The following RHOBTB3 variants were observed in gnomAD, a reference collection of about 807,000 sequenced individuals.
RHOBTB3 encodes the protein Rho related BTB domain containing 3, also known as rho-related BTB domain-containing protein 3.
In RHOBTB3, 47 loss-of-function variants were observed where a neutral mutation model predicts 67.2. The ratio of observed to expected loss-of-function variants is 0.70; its 90% CI spans 0.55 to 0.89. The LOEUF is 0.89. Ranked by LOEUF, RHOBTB3 falls within the 40% of genes least tolerant of loss-of-function variation. The pLI is 0.00. For missense variants in RHOBTB3, 631 were observed against 750.0 expected, an observed-to-expected ratio of 0.84 and a Z score of 1.85; for synonymous variants, 273 against 274.2, an observed-to-expected ratio of 1.00 and a Z score of 0.04.
upstream of RHOBTB3, among the ~76,000 whole-genome samples, chr5:95,726,838 C>T (rs1408615166): frequency 6.6e-6 from 1 of 152,160 alleles, no homozygotes; most frequent in Non-Finnish European, 1.5e-5. Flanking sequence ...TCCCGCTGCC[C>T]CTCACTGTGT....
At chr5:95,730,839 G>A (rs1755201287), upstream of RHOBTB3, 1 of 451,860 alleles carries the variant, frequency 2.2e-6, no homozygotes, top group Non-Finnish European at 4.4e-6. Context: ...TTTCTCACAA[G>A]TATGATTTTA....
rs540315795 is a variant in RHOBTB3 at position 95,779,074 on chromosome 5, ATGT to A, written c.1283-1174_1283-1172del. On this transcript the variant is annotated intron_variant, in intron 8 of 11. Transcript: ENST00000379982. ...CTTTTCTTCTTTCCTGAGACAGGAG[ATGT>A]TGTGCTTGGATTTAAAAGGGATGAA... is the stretch of plus-strand genomic sequence containing the variant. Among the ~76,000 whole-genome samples, 30 of 152,296 alleles carry A rather than the reference ATGT, an allele frequency of 2.0e-4. 2 individuals are homozygous for A. The South Asian group carries it at 5.8e-3, about 29-fold the overall frequency.
intron 3 of RHOBTB3, among the ~76,000 whole-genome samples, chr5:95,746,477 A>C (rs1008211212): frequency 6.6e-6 from 1 of 152,150 alleles, no homozygotes; most frequent in African/African-American, 2.4e-5. Context: ...TTATTTTTCA[A>C]GATAGGCTAA....
At chr5:95,769,396 C>T in intron 8 of RHOBTB3, 1 of 354,914 alleles carries the variant, frequency 2.8e-6, no homozygotes, top group South Asian at 2.7e-5. Flanking sequence ...GAGAAGATTA[C>T]CAGAGGTGCT....
At chr5:95,786,970 C>A (rs1746241344) in intron 10 of RHOBTB3, among the ~76,000 whole-genome samples, 1 of 152,208 alleles carries the variant, frequency 6.6e-6, no homozygotes, top group Admixed American at 6.5e-5. Flanking sequence ...CCCAAACCCC[C>A]ACATGTGCTA....
At position 95,737,040 on chromosome 5, in the gene RHOBTB3, C is replaced by G. The variant is rs1294225556; in HGVS notation, c.380C>G (p.Pro127Arg). The change falls in exon 3 of 12, where the codon CCA (proline) becomes CGA (arginine). Residue 127 changes from proline (P) to arginine (R), a missense_variant. Transcript: ENST00000379982. ...PVIKRALNSV[P>R]VIIAAVGTRQ... is the part of the protein sequence containing the mutation. ...ATAAAAAGAGCATTAAATTCAGTTCCAGTAATTATTGCTGCTGTTGGTACC... is the reference window on the plus strand; with the variant it reads ...ATAAAAAGAGCATTAAATTCAGTTCGAGTAATTATTGCTGCTGTTGGTACC... 1 of 1,601,420 alleles carries G rather than the reference C, an allele frequency of 6.2e-7. No individual in the cohort carries two copies. Among genetic ancestry groups the G allele is most frequent in the Non-Finnish European group, 8.5e-7 (1 of 1,169,862 alleles).
intron 3 of RHOBTB3, among the ~76,000 whole-genome samples, chr5:95,745,649 A>G (rs1452710166): frequency 6.8e-6 from 1 of 147,292 alleles, no homozygotes; most frequent in Non-Finnish European, 1.5e-5. Flanking sequence ...GCTTGCTTTT[A>G]AAAAAAAATA....
At chr5:95,780,667 C>G (rs1432437838) in intron 9 of RHOBTB3, among the ~76,000 whole-genome samples, 1 of 152,162 alleles carries the variant, frequency 6.6e-6, no homozygotes, top group African/African-American at 2.4e-5. Flanking sequence ...CATGTCCCAG[C>G]CAGCACCTAC....
intron 6 of RHOBTB3, among the ~76,000 whole-genome samples, chr5:95,763,196 G>A (rs1745441760): frequency 6.6e-6 from 1 of 152,154 alleles, no homozygotes; most frequent in African/African-American, 2.4e-5. Flanking sequence ...AATAATTTGG[G>A]TGCTGGACCA....
intron 1 of RHOBTB3, among the ~76,000 whole-genome samples, chr5:95,722,873 G>A (rs758867754): frequency 1.3e-5 from 2 of 152,162 alleles, no homozygotes; most frequent in Non-Finnish European, 2.9e-5. Flanking sequence ...TCAACCCTTC[G>A]AAAAATACTA....
intron 8 of RHOBTB3, 109 bp downstream of exon 8, chr5:95,768,275 A>T: frequency 1.9e-6 from 2 of 1,027,818 alleles, no homozygotes; most frequent in Non-Finnish European, 2.9e-6. Context: ...ATTATTCCCT[A>T]CTGAGGTATG....
In RHOBTB3 at chr5:95,732,117, G is replaced by A. The variant is rs1441809220; in HGVS notation, c.228+33G>A. Reference sequence around the variant, plus strand: ...AGAGCAGCTGCTCCGCGCTGAGGCTGAAGAAGCTTTTCTTTCCTTTTTTTT... The same window carrying A: ...AGAGCAGCTGCTCCGCGCTGAGGCTAAAGAAGCTTTTCTTTCCTTTTTTTT... On this transcript the variant is annotated intron_variant, in intron 2 of 11. Coordinates refer to ENST00000379982, the MANE Select transcript of RHOBTB3 (RefSeq NM_014899.4). 2.5e-6 allele frequency: 4 copies of A among 1,597,568 alleles called. No homozygotes were observed. In the South Asian group the frequency reaches 3.3e-5, roughly 13 times the overall value.
chr5:95,731,195 G>T (rs1755224842), upstream of RHOBTB3: 1 of 1,004,330 alleles, frequency 1.0e-6, no homozygotes, highest in African/African-American at 1.7e-5. Flanking sequence ...AGCTCCCGGG[G>T]CCTCCGCGGG....
At chr5:95,764,002 G>T (rs972078217) in intron 7 of RHOBTB3, among the ~76,000 whole-genome samples, 1 of 152,012 alleles carries the variant, frequency 6.6e-6, no homozygotes, top group Non-Finnish European at 1.5e-5. Context: ...TAGAGACGTG[G>T]TTTTTCCATG....
At chr5:95,723,538 T>G (rs1754958684) in intron 1 of RHOBTB3, among the ~76,000 whole-genome samples, 1 of 152,216 alleles carries the variant, frequency 6.6e-6, no homozygotes, top group African/African-American at 2.4e-5. Flanking sequence ...AAACTCTTGT[T>G]GTTTTTTGTT....
chr5:95,743,323 A>G (rs181196023), intron 3 of RHOBTB3, among the ~76,000 whole-genome samples: 1 of 152,014 alleles, frequency 6.6e-6, no homozygotes, highest in Non-Finnish European at 1.5e-5. Context: ...CTGTCTGGGG[A>G]TGGGGGTGTA....
chr5:95,728,957 T>A (rs748052203), upstream of RHOBTB3, among the ~76,000 whole-genome samples: 3 of 152,192 alleles, frequency 2.0e-5, no homozygotes, highest in Non-Finnish European at 4.4e-5. Flanking sequence ...ACCAGCACAA[T>A]GAGTCTACAA....
intron 1 of RHOBTB3, among the ~76,000 whole-genome samples, chr5:95,721,764 T>G (rs1350777991): frequency 2.2e-5 from 3 of 137,754 alleles, no homozygotes; most frequent in African/African-American, 8.2e-5. Context: ...CAGGAGAGAG[T>G]AATCAGCAGG....
At chr5:95,746,502 C>A (rs1744917973) in intron 3 of RHOBTB3, among the ~76,000 whole-genome samples, 1 of 152,046 alleles carries the variant, frequency 6.6e-6, no homozygotes, top group African/African-American at 2.4e-5. Flanking sequence ...TGTATGAAAA[C>A]TTTATTTGCT....
Sources: allele counts gnomAD v4.1 joint callset (sites outside exome capture counted in the v4.1 genomes callset), GRCh38; gene constraint gnomAD v4.1.1; transcripts MANE v1.5; gene names NCBI Gene and HGNC (gene_info 2026-07-23, HGNC 2026-07-21).